Variants in SORCS2 observed in about 807,000 individuals in gnomAD.
SORCS2 encodes the protein VPS10 domain-containing receptor SorCS2.
SORCS2 carries 100 observed loss-of-function variants against 141.6 expected under a neutral mutation model. The observed-to-expected ratio is 0.71, with a 90% CI of 0.60 to 0.83. The LOEUF (loss-of-function observed/expected upper bound fraction) is 0.83. SORCS2 is among the 40% of genes least tolerant of loss of function. The pLI is 0.00. For missense variants in SORCS2, 1,646 were observed against 1,560.2 expected (o/e 1.05, Z -0.93); for synonymous variants, 789 against 676.9 (o/e 1.17, Z -2.57).
intron 3 of SORCS2, among the ~76,000 whole-genome samples, chr4:7,580,359 G>T (rs1487925459): frequency 1.3e-5 from 2 of 152,176 alleles, no homozygotes; most frequent in African/African-American, 4.8e-5. Flanking sequence ...GCATGGTGGT[G>T]CACGTTTGTA....
chr4:7,527,332 G>A (rs1733758709), intron 2 of SORCS2, among the ~76,000 whole-genome samples: 1 of 152,248 alleles, frequency 6.6e-6, no homozygotes, highest in Non-Finnish European at 1.5e-5. Context: ...AGGATCTTGG[G>A]ATTATCCTGG....
At chr4:7,325,772 C>A (rs759876906) in intron 1 of SORCS2, among the ~76,000 whole-genome samples, 1 of 152,184 alleles carries the variant, frequency 6.6e-6, no homozygotes, top group Non-Finnish European at 1.5e-5. Flanking sequence ...CTTCCCTCCC[C>A]CCACGCCCAC....
At chr4:7,241,896 G>A (rs1415359811) in intron 1 of SORCS2, among the ~76,000 whole-genome samples, 2 of 152,218 alleles carry the variant, frequency 1.3e-5, no homozygotes, top group Non-Finnish European at 2.9e-5. Context: ...TTAGCTGACG[G>A]TGTTGAGCGT....
At chr4:7,486,946 G>A (rs1553873499) in intron 2 of SORCS2, among the ~76,000 whole-genome samples, 1 of 152,224 alleles carries the variant, frequency 6.6e-6, no homozygotes, top group Non-Finnish European at 1.5e-5. Context: ...AACTCTGATT[G>A]GGATGTGGAC....
chr4:7,418,429 G>C (rs1389544294), intron 2 of SORCS2, among the ~76,000 whole-genome samples: 1 of 152,194 alleles, frequency 6.6e-6, no homozygotes, highest in Non-Finnish European at 1.5e-5. Flanking sequence ...CCAACAGTTA[G>C]AGGGAGTATT....
chr4:7,301,185 G>A (rs188643345), intron 1 of SORCS2, among the ~76,000 whole-genome samples: 288 of 152,238 alleles, frequency 1.9e-3, no homozygotes, highest in African/African-American at 6.5e-3. Context: ...CTTGGCAGTC[G>A]CTTTTCCTCC....
intron 1 of SORCS2, among the ~76,000 whole-genome samples, chr4:7,348,808 C>A (rs986919079): frequency 6.6e-6 from 1 of 152,218 alleles, no homozygotes; most frequent in African/African-American, 2.4e-5. Context: ...CCACGTCAGT[C>A]TCCCAAAGTG....
intron 5 of SORCS2, among the ~76,000 whole-genome samples, chr4:7,655,753 T>C (rs545231983): frequency 1.5e-3 from 225 of 152,258 alleles, no homozygotes; most frequent in African/African-American, 4.8e-3. Context: ...GCCTGAGCGC[T>C]CGCAGAGGTG....
At chr4:7,589,680 C>T (rs1000751511) in intron 3 of SORCS2, among the ~76,000 whole-genome samples, 7 of 152,212 alleles carry the variant, frequency 4.6e-5, no homozygotes, top group African/African-American at 1.7e-4. Context: ...GGATTACAGG[C>T]GTGAGCCACC....
At chr4:7,564,294 G>A (rs540833016) in intron 3 of SORCS2, among the ~76,000 whole-genome samples, 1 of 152,320 alleles carries the variant, frequency 6.6e-6, no homozygotes, top group Non-Finnish European at 1.5e-5. Flanking sequence ...TCTAGGACAA[G>A]GTCCTTCCTT....
intron 23 of SORCS2, among the ~76,000 whole-genome samples, chr4:7,732,460 C>G (rs1711778135): frequency 6.6e-6 from 1 of 152,206 alleles, no homozygotes; most frequent in Admixed American, 6.5e-5. Context: ...CACGCAGACC[C>G]TGGAGGAGGA....
chr4:7,689,159 G>A (rs913897170), intron 10 of SORCS2, among the ~76,000 whole-genome samples: 10 of 152,188 alleles, frequency 6.6e-5, no homozygotes, highest in South Asian at 4.2e-4. Flanking sequence ...AGCTGCATCC[G>A]TGAGCAGAGG....
chr4:7,548,712 G>A (rs189879568), intron 3 of SORCS2, among the ~76,000 whole-genome samples: 33 of 152,204 alleles, frequency 2.2e-4, no homozygotes, highest in African/African-American at 7.0e-4. Flanking sequence ...AGAGGGCACA[G>A]CAACAGGAAT....
chr4:7,392,928 A>G (rs1477170639), intron 1 of SORCS2, among the ~76,000 whole-genome samples: 2 of 148,306 alleles, frequency 1.3e-5, no homozygotes, highest in Admixed American at 1.4e-4. Flanking sequence ...GAGAGAGTGG[A>G]TGAGTCGATG....
intron 1 of SORCS2, among the ~76,000 whole-genome samples, chr4:7,375,800 A>T (rs768949714): frequency 2.6e-5 from 4 of 152,256 alleles, no homozygotes; most frequent in Non-Finnish European, 5.9e-5. Context: ...AGAGGAGTGG[A>T]CAAGGACAAA....
intron 18 of SORCS2, among the ~76,000 whole-genome samples, chr4:7,721,818 C>G (rs1027706327): frequency 6.6e-6 from 1 of 152,138 alleles, no homozygotes; most frequent in African/African-American, 2.4e-5. Flanking sequence ...GAGCCGGGTA[C>G]GGGGCACACA....
chr4:7,280,629 CTG>C (rs1315957082), intron 1 of SORCS2, among the ~76,000 whole-genome samples: 11 of 152,240 alleles, frequency 7.2e-5, no homozygotes, highest in African/African-American at 2.4e-4. Context: ...AACTGCCAAA[CTG>C]TCTTCCAAAG....
chr4:7,606,449 T>C lies in SORCS2; in HGVS notation c.649-31879T>C, dbSNP rs559711917. 5.9e-5 allele frequency among the ~76,000 whole-genome samples: 9 copies of C among 152,294 alleles called. No homozygotes were observed. The East Asian group carries it at 1.7e-3, about 29-fold the overall frequency. On this transcript the variant is annotated intron_variant, in intron 3 of 26. Transcript: ENST00000507866. ...ATCCTGGCTTCTCGTTCCGACTCCT[T>C]GTCCTTCGTTTCTGCTGCAAACGGT...
chr4:7,454,867 G>C (rs1418474981), intron 2 of SORCS2, among the ~76,000 whole-genome samples: 1 of 132,002 alleles, frequency 7.6e-6, no homozygotes, highest in Non-Finnish European at 1.6e-5. Context: ...GTTGGGGTCA[G>C]GTGCTGTGTG....
Sources: allele counts gnomAD v4.1 joint callset (sites outside exome capture counted in the v4.1 genomes callset), GRCh38; gene constraint gnomAD v4.1.1; transcripts MANE v1.5; gene names NCBI Gene and HGNC (gene_info 2026-07-23, HGNC 2026-07-21).